The following CPT1C variants were observed in gnomAD, a reference collection of about 807,000 sequenced individuals.
CPT1C encodes carnitine palmitoyltransferase 1C.
Under a neutral mutation model 97.3 loss-of-function variants are expected in CPT1C, and 61 were observed. That is an observed-to-expected ratio of 0.63 (90% CI 0.51 to 0.78). CPT1C has a LOEUF of 0.78. Ranked by LOEUF, CPT1C falls within the 30% of genes least tolerant of loss-of-function variation. The pLI, the probability that CPT1C is intolerant of heterozygous loss-of-function variation, is 0.00. For missense variants in CPT1C, 975 were observed against 1,065.5 expected (o/e 0.92, Z 1.18); for synonymous variants, 469 against 447.2 (o/e 1.05, Z -0.61).
At chr19:49,702,168 A>G (rs1348331460) in intron 7 of CPT1C, among the ~76,000 whole-genome samples, 1 of 127,316 alleles carries the variant, frequency 7.9e-6, no homozygotes, top group Admixed American at 9.0e-5. Context: ...TTATAAATAA[A>G]TATATATTTA....
chr19:49,694,098 AT>A (rs948350779), intron 3 of CPT1C, among the ~76,000 whole-genome samples: 3 of 112,068 alleles, frequency 2.7e-5, no homozygotes, highest in African/African-American at 4.9e-5. Flanking sequence ...AAATAAATAA[AT>A]AAATAAATAA....
At chr19:49,699,902 C>T (rs1345323738) in intron 4 of CPT1C, among the ~76,000 whole-genome samples, 8 of 151,726 alleles carry the variant, frequency 5.3e-5, no homozygotes, top group African/African-American at 7.3e-5. Context: ...TGCAGTGAGC[C>T]GAGATAGTGC....
At chr19:49,703,481 G>T (rs1029438230) in intron 7 of CPT1C, among the ~76,000 whole-genome samples, 3 of 150,702 alleles carry the variant, frequency 2.0e-5, no homozygotes, top group Admixed American at 2.0e-4. Context: ...ATTTACAGGC[G>T]TGAGCCACCA....
At chr19:49,692,790 G>C (rs2082428111) in intron 3 of CPT1C, among the ~76,000 whole-genome samples, 1 of 152,196 alleles carries the variant, frequency 6.6e-6, no homozygotes. Flanking sequence ...GCAGTGGCGG[G>C]ATCTCAGCTC....
chr19:49,705,636 T>C (rs114477997), intron 10 of CPT1C, among the ~76,000 whole-genome samples: 348 of 152,236 alleles, frequency 2.3e-3, no homozygotes, highest in African/African-American at 8.1e-3. Context: ...GATATGCACC[T>C]GTGGCCCCAG....
At chr19:49,690,766 A>AC, upstream of CPT1C, 1 of 365,990 alleles carries the variant, frequency 2.7e-6, no homozygotes, top group East Asian at 4.4e-5. This position sits in a 1 kb window ranked among gnomAD's most constrained non-coding sequence, Gnocchi z 4.4. Flanking sequence ...GGCCGTCCTG[A>AC]CCCCCAAACA....
chr19:49,707,799 G>A (rs1433657152), intron 13 of CPT1C, among the ~76,000 whole-genome samples, 176 bp downstream of exon 13: 1 of 151,510 alleles, frequency 6.6e-6, no homozygotes, highest in African/African-American at 2.4e-5. Flanking sequence ...TCAGGAGTTC[G>A]AGACCAGCCT....
rs781625351 is a variant in CPT1C at position 49,697,482 on chromosome 19, C to G, written c.281+17C>G. On this transcript the variant is annotated intron_variant, in intron 4 of 19. Transcript: ENST00000598293. Reference sequence around the variant, plus strand: ...GCCTGACTGGTGAGGTCCCCCCACTCCAGCCCAGTAACCCCCAATCACTCT... The same window carrying G: ...GCCTGACTGGTGAGGTCCCCCCACTGCAGCCCAGTAACCCCCAATCACTCT... 4 of 1,611,562 alleles carry G rather than the reference C, an allele frequency of 2.5e-6. No homozygotes were observed. Among genetic ancestry groups the G allele is most frequent in the Non-Finnish European group, 3.4e-6 (4 of 1,178,344 alleles).
rs1197171815 is a variant in CPT1C, at chr19:49,705,967, C to T, written c.1023C>T (p.Phe341=). 1.2e-6 allele frequency: 2 copies of T among 1,613,888 alleles called. No individual in the cohort carries two copies. Among genetic ancestry groups the T allele is most frequent in the African/African-American group, 1.3e-5 (1 of 74,910 alleles). ...TGGCTGTCTTCCACCGGGGCCGATT[C>T]TTCCGCATGGGGACCCACTCCCGAA... The part of the protein sequence containing the change: ...QHVAVFHRGR[F]FRMGTHSRNS... Residue 341 remains phenylalanine (F), a synonymous_variant, in exon 11 of 20, where the codon TTC becomes TTT. Transcript: ENST00000598293.
Position 49,704,802 on chromosome 19 carries a change from G to T in CPT1C, c.771+15G>T. ...ATTACATGATGGTGAGAAGGGGAGG[G>T]GTGAGGTTCATAGGCCCCAGGTCTA... On this transcript the variant is annotated intron_variant, in intron 8 of 19. Coordinates refer to ENST00000598293, the MANE Select transcript of CPT1C (RefSeq NM_001199753.2). The T allele has an allele frequency of 6.2e-7, 1 of 1,613,046 alleles. No homozygotes were observed. The highest frequency in any genetic ancestry group is 1.3e-5 in the African/African-American group (1 of 75,022).
chr19:49,691,462 T>G (rs778285198), intron 1 of CPT1C, 122 bp downstream of exon 1: 2 of 151,944 alleles, frequency 1.3e-5, no homozygotes, highest in Non-Finnish European at 2.9e-5. Flanking sequence ...AGCCTCAGCA[T>G]CCCAGGCTGC....
intron 7 of CPT1C, among the ~76,000 whole-genome samples, chr19:49,703,121 T>C (rs907848388): frequency 1.4e-5 from 2 of 143,836 alleles, no homozygotes; most frequent in Non-Finnish European, 3.0e-5. Flanking sequence ...CTTCCCTTCC[T>C]TCCCTCCCTC....
At position 49,691,245 on chromosome 19, in the gene CPT1C, A is replaced by G. The variant is rs2082330424; in HGVS notation, c.-179A>G. 6.6e-6 allele frequency: 1 copy of G among 151,148 alleles called. No homozygotes were observed. The highest frequency in any genetic ancestry group is 1.5e-5 in the Non-Finnish European group (1 of 67,824). 9.4% of individuals were successfully genotyped at this position (151,148 alleles called of 1,614,324 possible). A position where few individuals can be genotyped will look rare whatever the true frequency, so the allele number is the denominator to read the frequency against. On this transcript the variant is annotated 5_prime_UTR_variant, in exon 1 of 20. Transcript: ENST00000598293. ...CTTGCACTGGGATTGGACATATGCA[A>G]GCGGGAGATTTGGGGCCGGCGCTCA...
At chr19:49,698,480 T>C (rs924871025) in intron 4 of CPT1C, among the ~76,000 whole-genome samples, 2 of 151,196 alleles carry the variant, frequency 1.3e-5, no homozygotes, top group African/African-American at 4.9e-5. Flanking sequence ...CTGGACAACA[T>C]AGTGAAACCC....
In CPT1C at chr19:49,705,081, C is replaced by T; in HGVS notation, c.846C>T (p.Tyr282=). The T allele has an allele frequency of 6.2e-7, 1 of 1,613,936 alleles. No individual in the cohort carries two copies. The highest frequency in any genetic ancestry group is 8.5e-7 in the Non-Finnish European group (1 of 1,179,942). Residue 282 remains tyrosine (Y), a synonymous_variant, in exon 9 of 20, where the codon TAC becomes TAT. Transcript: ENST00000598293. ...ATGCCGTCCATGCCCTCCTCCTGTA[C>T]CGCCACCGCCTGAACCGCCAGGAGA... The part of the protein sequence containing the change: ...AGNAVHALLL[Y]RHRLNRQEIP...
intron 4 of CPT1C, among the ~76,000 whole-genome samples, chr19:49,700,223 G>A (rs1242359186): frequency 1.3e-5 from 2 of 151,362 alleles, no homozygotes; most frequent in African/African-American, 4.9e-5. Context: ...CTCCAGCCTG[G>A]GCGACAGAGC....
At chr19:49,712,931 G>T in intron 18 of CPT1C, 41 bp from the exon 19 acceptor site, 1 of 1,597,036 alleles carries the variant, frequency 6.3e-7, no homozygotes, top group South Asian at 1.1e-5. Context: ...GGGTGGAGGG[G>T]ACCGGAGCTA....
At position 49,708,722 on chromosome 19, in the gene CPT1C, G is replaced by A; in HGVS notation, c.1450-1G>A. ...CTCTAACAGCCTCTGTTTGCCCACA[G>A]TTCACTCTGGCTACAGAATGCTTTC... On this transcript the variant is annotated splice_acceptor_variant, in intron 13 of 19. Coordinates refer to ENST00000598293, the MANE Select transcript of CPT1C (RefSeq NM_001199753.2). LOFTEE classifies it high-confidence loss of function. 2 of 1,612,228 alleles carry A rather than the reference G, an allele frequency of 1.2e-6. No homozygotes were observed. The highest frequency in any genetic ancestry group is 2.2e-5 in the South Asian group (2 of 91,050).
At chr19:49,711,611 G>A (rs12462023) in intron 16 of CPT1C, 198 bp from the exon 17 acceptor site, 18,155 of 610,922 alleles carry the variant, frequency 0.03, 1,129 homozygotes, top group East Asian at 0.16. Context: ...CTAGGAACCC[G>A]CCTGGCTCTC....
Sources: allele counts gnomAD v4.1 joint callset (sites outside exome capture counted in the v4.1 genomes callset), GRCh38; gene constraint gnomAD v4.1.1; non-coding constraint Gnocchi (gnomAD v3.1); transcripts MANE v1.5; gene names NCBI Gene and HGNC (gene_info 2026-07-23, HGNC 2026-07-21).